Variants in PTPRK observed in about 807,000 individuals in gnomAD.
PTPRK encodes the protein protein tyrosine phosphatase receptor type K.
In PTPRK, 75 loss-of-function variants were observed where a neutral mutation model predicts 178.0. The ratio of observed to expected loss-of-function variants is 0.42; its 90% CI spans 0.35 to 0.51. The LOEUF (loss-of-function observed/expected upper bound fraction) is 0.51. Ranked by LOEUF, PTPRK falls within the 20% of genes least tolerant of loss-of-function variation. The pLI is 0.02. For missense variants in PTPRK, 1,441 were observed against 1,797.8 expected (o/e 0.80, Z 3.59); for synonymous variants, 637 against 620.6 (o/e 1.03, Z -0.39).
At chr6:128,436,015 T>C (rs1015734238) in intron 1 of PTPRK, among the ~76,000 whole-genome samples, 3 of 150,734 alleles carry the variant, frequency 2.0e-5, no homozygotes, top group Non-Finnish European at 3.0e-5. Context: ...TATATATATA[T>C]ATAGCAACAA....
intron 15 of PTPRK, chr6:128,003,133 G>T: frequency 6.8e-7 from 1 of 1,480,160 alleles, no homozygotes; most frequent in Non-Finnish European, 9.3e-7. Flanking sequence ...TCTCTATGTG[G>T]GCAAACCCAT....
Position 128,068,503 on chromosome 6 carries a change from T to C in PTPRK, c.1884-711A>G, listed in dbSNP as rs2114946468. ...TATTAAAGCTCTAACCTAAACCTTC[T>C]GATATCTTTAAGTCTTAAAACTTTT... On this transcript the variant is annotated intron_variant, in intron 11 of 29. Transcript: ENST00000368226. Among the ~76,000 whole-genome samples the C allele has an allele frequency of 1.3e-5, 2 of 152,298 alleles. 1 individual carries two copies. Among genetic ancestry groups the C allele is most frequent in the East Asian group, 3.9e-4 (2 of 5,184 alleles).
intron 1 of PTPRK, among the ~76,000 whole-genome samples, chr6:128,476,731 G>A (rs1425665118): frequency 6.6e-6 from 1 of 151,830 alleles, no homozygotes; most frequent in African/African-American, 2.4e-5. Flanking sequence ...TTTCATTTTG[G>A]TTTGATTCAG....
intron 3 of PTPRK, among the ~76,000 whole-genome samples, chr6:128,288,681 C>G (rs1442985561): frequency 6.6e-6 from 1 of 152,016 alleles, no homozygotes; most frequent in Non-Finnish European, 1.5e-5. Flanking sequence ...CATTTGAAAC[C>G]TACTATATTA....
At chr6:128,398,119 C>T (rs2128369428) in intron 1 of PTPRK, among the ~76,000 whole-genome samples, 1 of 152,276 alleles carries the variant, frequency 6.6e-6, no homozygotes, top group South Asian at 2.1e-4. Context: ...AATGAAAGTA[C>T]ACTCCACACT....
In PTPRK at chr6:128,418,433, G is replaced by A. The variant is rs558438278; in HGVS notation, c.101-20745C>T. 1.1e-4 allele frequency among the ~76,000 whole-genome samples: 17 copies of A among 152,284 alleles called. No homozygotes were observed. The East Asian group carries it at 2.1e-3, about 19-fold the overall frequency. ...GAGCATACTGCCTGAGCTCTGCCTC[G>A]TGTGTCAGATCAGCTGAGGCATTAG... On this transcript the variant is annotated intron_variant, in intron 1 of 29. Transcript: ENST00000368226.
chr6:128,421,740 A>G (rs531545383), intron 1 of PTPRK, among the ~76,000 whole-genome samples: 103 of 152,314 alleles, frequency 6.8e-4, no homozygotes, highest in Non-Finnish European at 9.0e-4. Context: ...AGCAGAGAGG[A>G]GTTGATTATA....
intron 1 of PTPRK, among the ~76,000 whole-genome samples, chr6:128,460,330 G>A (rs769057646): frequency 6.6e-6 from 1 of 152,086 alleles, no homozygotes; most frequent in Non-Finnish European, 1.5e-5. Flanking sequence ...GATTGCTTGA[G>A]CTCAGGAAGT....
chr6:127,989,924 G>T (rs1208581278), intron 21 of PTPRK, among the ~76,000 whole-genome samples: 1 of 151,788 alleles, frequency 6.6e-6, no homozygotes, highest in Non-Finnish European at 1.5e-5. Flanking sequence ...TGTGCCACAG[G>T]TAATTTCACA....
At chr6:128,255,551 G>A (rs1817145963) in intron 3 of PTPRK, among the ~76,000 whole-genome samples, 1 of 152,200 alleles carries the variant, frequency 6.6e-6, no homozygotes, top group Admixed American at 6.5e-5. Context: ...AAAACAGAAG[G>A]CCTTTGCCAA....
At chr6:128,483,682 C>T (rs1236070038) in intron 1 of PTPRK, among the ~76,000 whole-genome samples, 1 of 152,048 alleles carries the variant, frequency 6.6e-6, no homozygotes, top group Non-Finnish European at 1.5e-5. Flanking sequence ...CATTTTGCAC[C>T]CAATCACAGC....
At chr6:128,461,789 T>C (rs977062594) in intron 1 of PTPRK, among the ~76,000 whole-genome samples, 1 of 152,192 alleles carries the variant, frequency 6.6e-6, no homozygotes, top group Non-Finnish European at 1.5e-5. Flanking sequence ...AGGCAACCAC[T>C]TCCCATCTCT....
intron 13 of PTPRK, among the ~76,000 whole-genome samples, chr6:128,043,858 G>T (rs1215185443): frequency 6.6e-6 from 1 of 151,692 alleles, no homozygotes; most frequent in Non-Finnish European, 1.5e-5. Context: ...AAATTTAAGG[G>T]ACCATATTTT....
At chr6:128,470,259 C>CATATATAT (rs34303350) in intron 1 of PTPRK, among the ~76,000 whole-genome samples, 20 of 147,812 alleles carry the variant, frequency 1.4e-4, no homozygotes, top group African/African-American at 3.3e-4. Context: ...TCTCAGTTTT[C>CATATATAT]ATATATATAT....
intron 3 of PTPRK, among the ~76,000 whole-genome samples, chr6:128,277,359 G>T (rs185106360): frequency 2.0e-5 from 3 of 152,254 alleles, no homozygotes; most frequent in Admixed American, 2.0e-4. Flanking sequence ...GCTGCTGTTA[G>T]ATTGAGATAA....
At chr6:128,048,660 T>A (rs1427290700) in intron 13 of PTPRK, among the ~76,000 whole-genome samples, 2 of 152,222 alleles carry the variant, frequency 1.3e-5, no homozygotes, top group Non-Finnish European at 2.9e-5. Flanking sequence ...ATTCATGGGT[T>A]CTGCATCCGA....
intron 2 of PTPRK, among the ~76,000 whole-genome samples, chr6:128,354,844 C>A (rs916436479): frequency 6.6e-6 from 1 of 152,192 alleles, no homozygotes; most frequent in Non-Finnish European, 1.5e-5. Flanking sequence ...CCACTTTCAT[C>A]TAGACTAACT....
chr6:128,389,255 T>A (rs1200721462), intron 2 of PTPRK, among the ~76,000 whole-genome samples: 1 of 152,042 alleles, frequency 6.6e-6, no homozygotes, highest in African/African-American at 2.4e-5. Flanking sequence ...TCTTCCAAGA[T>A]TTTAAAGCAT....
At chr6:128,165,504 T>A (rs1386042579) in intron 7 of PTPRK, among the ~76,000 whole-genome samples, 1 of 151,272 alleles carries the variant, frequency 6.6e-6, no homozygotes, top group East Asian at 1.9e-4. Context: ...CTCAGTCTTT[T>A]GGTAAGCCTG....
Sources: gnomAD v4.1 joint callset for allele counts (sites outside exome capture counted in the v4.1 genomes callset) on GRCh38, gnomAD v4.1.1 for gene constraint, MANE v1.5 for transcripts, NCBI Gene and HGNC (gene_info 2026-07-23, HGNC 2026-07-21) for gene names.